Variants in PBX1 observed in about 807,000 individuals in gnomAD.
PBX1 encodes pre-B-cell leukemia transcription factor 1.
Under a neutral mutation model 53.4 loss-of-function variants are expected in PBX1, and 6 were observed. The observed-to-expected ratio is 0.11, with a 90% CI of 0.06 to 0.22. The LOEUF (loss-of-function observed/expected upper bound fraction) is 0.22. Among genes scored for constraint, PBX1 ranks in the 10% least tolerant of loss-of-function variants. The pLI, the probability that PBX1 is intolerant of heterozygous loss-of-function variation, is 1.00. For missense variants in PBX1, 251 were observed against 551.4 expected, an observed-to-expected ratio of 0.46 and a Z score of 5.46; for synonymous variants, 204 against 212.3, an observed-to-expected ratio of 0.96 and a Z score of 0.34.
intron 2 of PBX1, chr1:164,642,315 G>C (rs1659192040): frequency 6.6e-6 from 1 of 152,196 alleles, no homozygotes; most frequent in Admixed American, 6.5e-5. Flanking sequence ...ATGCAATTAT[G>C]AATAGGAAAT....
chr1:164,574,049 T>C (rs973527723), intron 2 of PBX1, among the ~76,000 whole-genome samples: 3 of 152,192 alleles, frequency 2.0e-5, no homozygotes, highest in Admixed American at 2.0e-4. Flanking sequence ...TTGAGACATC[T>C]TTTTCTGGAA....
chr1:164,733,512 T>C (rs1413622153), intron 2 of PBX1, among the ~76,000 whole-genome samples: 1 of 152,134 alleles, frequency 6.6e-6, no homozygotes, highest in Non-Finnish European at 1.5e-5. Context: ...ACTATACTGT[T>C]TCAAAGGAGG....
At chr1:164,634,212 G>A (rs1305543723) in intron 2 of PBX1, among the ~76,000 whole-genome samples, 4 of 152,198 alleles carry the variant, frequency 2.6e-5, no homozygotes, top group Non-Finnish European at 5.9e-5. Context: ...GCCTGTAATT[G>A]TGGGGTTTCT....
chr1:164,701,516 G>T (rs1663119766), intron 2 of PBX1, among the ~76,000 whole-genome samples: 1 of 152,202 alleles, frequency 6.6e-6, no homozygotes, highest in Non-Finnish European at 1.5e-5. Flanking sequence ...CAGCAAATTT[G>T]ATAGGAGTCT....
intron 8 of PBX1, among the ~76,000 whole-genome samples, chr1:164,843,584 T>C (rs1671413729): frequency 6.6e-6 from 1 of 152,104 alleles, no homozygotes; most frequent in African/African-American, 2.4e-5. Context: ...AAAGAGGTTT[T>C]GTTTAATGTA....
At chr1:164,785,736 A>G (rs529048069) in intron 2 of PBX1, among the ~76,000 whole-genome samples, 1 of 152,204 alleles carries the variant, frequency 6.6e-6, no homozygotes, top group African/African-American at 2.4e-5. Context: ...AATTTGTTTG[A>G]TTGCACTGAG....
chr1:164,760,713 A>T (rs1666767313), intron 2 of PBX1, among the ~76,000 whole-genome samples: 2 of 152,222 alleles, frequency 1.3e-5, no homozygotes, highest in Non-Finnish European at 1.5e-5. Context: ...CTAATGCAGC[A>T]TGCGTTACAG....
intron 2 of PBX1, among the ~76,000 whole-genome samples, chr1:164,738,829 G>A (rs1241294684): frequency 6.6e-6 from 1 of 152,142 alleles, no homozygotes; most frequent in Non-Finnish European, 1.5e-5. Context: ...TAAAACAACA[G>A]AAAACTACTT....
intron 2 of PBX1, among the ~76,000 whole-genome samples, chr1:164,632,507 C>T (rs1021134965): frequency 6.6e-6 from 1 of 152,098 alleles, no homozygotes; most frequent in African/African-American, 2.4e-5. Flanking sequence ...GATGAAAAGC[C>T]AACATCAATA....
At chr1:164,819,968 T>C (rs1670071264) in intron 6 of PBX1, 104 bp from the exon 7 acceptor site, 1 of 671,914 alleles carries the variant, frequency 1.5e-6, no homozygotes, top group Non-Finnish European at 2.7e-6. Flanking sequence ...TAGTTTTTAT[T>C]TGGGGGGGGT....
intron 2 of PBX1, among the ~76,000 whole-genome samples, chr1:164,879,897 C>T (rs914436006): frequency 6.6e-6 from 1 of 152,074 alleles, no homozygotes; most frequent in African/African-American, 2.4e-5. Context: ...AACACAAAAG[C>T]CTACGCTGGG....
intron 2 of PBX1, among the ~76,000 whole-genome samples, chr1:164,618,839 G>A (rs1257029421): frequency 6.6e-6 from 1 of 152,182 alleles, no homozygotes; most frequent in Non-Finnish European, 1.5e-5. Flanking sequence ...CAAAATATAG[G>A]TGCCCTGATT....
chr1:164,756,924 G>A (rs1032643078), intron 2 of PBX1, among the ~76,000 whole-genome samples: 2 of 152,214 alleles, frequency 1.3e-5, no homozygotes, highest in Non-Finnish European at 2.9e-5. Flanking sequence ...TATTTATGAA[G>A]CAACTCATTA....
intron 2 of PBX1, among the ~76,000 whole-genome samples, chr1:164,775,888 T>C (rs888243219): frequency 5.3e-5 from 8 of 152,166 alleles, no homozygotes; most frequent in Non-Finnish European, 8.8e-5. Flanking sequence ...TATTTGAATA[T>C]GTGGCAGTCT....
intron 2 of PBX1, among the ~76,000 whole-genome samples, chr1:164,724,078 G>A (rs1480591594): frequency 6.6e-6 from 1 of 152,162 alleles, no homozygotes; most frequent in Non-Finnish European, 1.5e-5. Flanking sequence ...AAGTTCAAAA[G>A]CATTTTAATT....
intron 2 of PBX1, 71 bp downstream of exon 2, chr1:164,563,382 C>T (rs1368439204): frequency 2.1e-6 from 2 of 964,240 alleles, no homozygotes; most frequent in African/African-American, 3.3e-5. Flanking sequence ...AGTCACAAAT[C>T]TATTATTTAA....
intron 2 of PBX1, among the ~76,000 whole-genome samples, chr1:164,710,696 C>A (rs188296121): frequency 6.6e-6 from 1 of 152,164 alleles, no homozygotes; most frequent in African/African-American, 2.4e-5. Flanking sequence ...TAGGTGTGAA[C>A]CACCACGCCT....
chr1:164,800,027 G>C (rs1232852979), intron 4 of PBX1, 138 bp downstream of exon 4: 7 of 718,392 alleles, frequency 9.7e-6, no homozygotes, highest in Non-Finnish European at 1.3e-5. Flanking sequence ...ATGGTTCTGC[G>C]AGACTAGATG....
intron 8 of PBX1, among the ~76,000 whole-genome samples, chr1:164,827,261 A>G (rs1321969837): frequency 2.0e-5 from 3 of 152,254 alleles, no homozygotes; most frequent in African/African-American, 7.2e-5. Flanking sequence ...ATTAAAATTC[A>G]TATGCATATC....
Sources: allele counts gnomAD v4.1 joint callset (sites outside exome capture counted in the v4.1 genomes callset), GRCh38; gene constraint gnomAD v4.1.1; transcripts MANE v1.5; gene names NCBI Gene and HGNC (gene_info 2026-07-23, HGNC 2026-07-21).